Variants in DTNB observed in about 807,000 individuals in gnomAD.
The protein encoded by DTNB is DTN-B.
Under a neutral mutation model 90.7 loss-of-function variants are expected in DTNB, and 63 were observed. That is an observed-to-expected ratio of 0.69 (90% CI 0.57 to 0.86). The LOEUF (loss-of-function observed/expected upper bound fraction) is 0.86. DTNB is among the 40% of genes least tolerant of loss of function. The pLI, the probability that DTNB is intolerant of heterozygous loss-of-function variation, is 0.00. For synonymous variants in DTNB, 277 were observed against 286.7 expected (o/e 0.97, Z 0.34); for missense variants, 744 against 807.1 (o/e 0.92, Z 0.95).
intron 9 of DTNB, among the ~76,000 whole-genome samples, chr2:25,484,241 A>G (rs2065656446): frequency 6.6e-6 from 1 of 152,248 alleles, no homozygotes; most frequent in Non-Finnish European, 1.5e-5. Context: ...TAAGTTATGC[A>G]TGATTATACT....
chr2:25,419,607 A>C (rs2048863531), intron 15 of DTNB, 72 bp from the exon 16 acceptor site: 1 of 1,531,846 alleles, frequency 6.5e-7, no homozygotes, highest in African/African-American at 1.4e-5. Context: ...AATGCCCATC[A>C]CCACAAACAT....
At chr2:25,467,208 A>G (rs1235657528) in intron 10 of DTNB, among the ~76,000 whole-genome samples, 2 of 152,236 alleles carry the variant, frequency 1.3e-5, no homozygotes, top group African/African-American at 2.4e-5. Flanking sequence ...AAAGGGGCCA[A>G]CATTTGTACC....
intron 9 of DTNB, among the ~76,000 whole-genome samples, chr2:25,513,941 G>A (rs775050319): frequency 1.7e-4 from 26 of 151,474 alleles, no homozygotes; most frequent in Non-Finnish European, 3.7e-4. Context: ...GCCAGATAGG[G>A]AGATAGAGCA....
rs2078167548 is a variant in DTNB, at chr2:25,531,485, A to G, written c.989T>C (p.Leu330Pro). The G allele has an allele frequency of 1.1e-5, 18 of 1,613,786 alleles. No individual in the cohort carries two copies. The highest frequency in any genetic ancestry group is 1.4e-5 in the Non-Finnish European group (17 of 1,179,860). ...GGGGTATACTTACACTATATGTGCAAGGTCAAGTGGTTTCTCTGGTTGCTC... is the reference window on the plus strand; with the variant it reads ...GGGGTATACTTACACTATATGTGCAGGGTCAAGTGGTTTCTCTGGTTGCTC... The part of the protein sequence containing the change: ...FPEQPEKPLD[L>P]AHIVPPRPLT... The change falls in exon 9 of 21, where the codon CTT becomes CCT. Residue 330 changes from leucine (L) to proline (P), a missense_variant. Transcript: ENST00000406818.
chr2:25,450,624 C>T (rs1404058779), intron 12 of DTNB, among the ~76,000 whole-genome samples: 1 of 152,178 alleles, frequency 6.6e-6, no homozygotes, highest in Non-Finnish European at 1.5e-5. Flanking sequence ...ATCTATAGAT[C>T]AATTTAGGAA....
At chr2:25,643,100 T>A (rs1379350522) in intron 2 of DTNB, among the ~76,000 whole-genome samples, 1 of 152,098 alleles carries the variant, frequency 6.6e-6, no homozygotes, top group East Asian at 1.9e-4. Flanking sequence ...CACAACACAG[T>A]ACTACCCAGC....
chr2:25,591,916 C>A (rs1385453259), intron 6 of DTNB, among the ~76,000 whole-genome samples: 1 of 151,812 alleles, frequency 6.6e-6, no homozygotes, highest in Non-Finnish European at 1.5e-5. Flanking sequence ...CAAAAATTAG[C>A]CAGGCATGGT....
At chr2:25,434,020 G>A (rs771675781) in intron 12 of DTNB, 25 bp from the exon 13 acceptor site, 2 of 1,359,420 alleles carry the variant, frequency 1.5e-6, no homozygotes, top group Non-Finnish European at 2.0e-6. Context: ...TCGGGAGAAA[G>A]TTTTTTTTTT....
At chr2:25,570,109 A>G (rs2059609448) in intron 8 of DTNB, among the ~76,000 whole-genome samples, 1 of 151,732 alleles carries the variant, frequency 6.6e-6, no homozygotes, top group Admixed American at 6.6e-5. Flanking sequence ...AAAAAAAAAA[A>G]AAAAAGGAAA....
At chr2:25,629,866 G>A (rs1477654517) in intron 3 of DTNB, among the ~76,000 whole-genome samples, 1 of 151,934 alleles carries the variant, frequency 6.6e-6, no homozygotes, top group African/African-American at 2.4e-5. Context: ...TTCAAGTACA[G>A]GCAGCAAAAA....
intron 8 of DTNB, among the ~76,000 whole-genome samples, chr2:25,573,008 T>C (rs746779588): frequency 6.6e-6 from 1 of 151,986 alleles, no homozygotes; most frequent in Non-Finnish European, 1.5e-5. Flanking sequence ...TGGCACGATC[T>C]CGGCTCACTG....
chr2:25,437,570 C>A (rs749702552), intron 12 of DTNB, among the ~76,000 whole-genome samples: 1 of 151,990 alleles, frequency 6.6e-6, no homozygotes. Context: ...CTTTTATTTA[C>A]AATCTTAAAC....
chr2:25,595,890 C>T (rs1297354529), intron 6 of DTNB, among the ~76,000 whole-genome samples, 196 bp downstream of exon 6: 2 of 140,962 alleles, frequency 1.4e-5, no homozygotes, highest in Non-Finnish European at 3.1e-5. Flanking sequence ...CCCCCCCACC[C>T]CCAGTTCCCC....
At chr2:25,494,880 G>C (rs991218949) in intron 9 of DTNB, among the ~76,000 whole-genome samples, 1 of 151,134 alleles carries the variant, frequency 6.6e-6, no homozygotes, top group African/African-American at 2.4e-5. Flanking sequence ...GAGGGGAACA[G>C]ATCTCTAAGG....
intron 2 of DTNB, among the ~76,000 whole-genome samples, chr2:25,640,154 CAT>C (rs2077944309): frequency 6.6e-6 from 1 of 152,200 alleles, no homozygotes; most frequent in African/African-American, 2.4e-5. Flanking sequence ...TAAAATTATA[CAT>C]GAGTCTATAA....
At chr2:25,486,966 G>T (rs937959129) in intron 9 of DTNB, among the ~76,000 whole-genome samples, 1 of 152,104 alleles carries the variant, frequency 6.6e-6, no homozygotes, top group Admixed American at 6.5e-5. Context: ...AATTTGGGAG[G>T]TTCCTTCTTT....
At chr2:25,630,844 CAA>C (rs1169600129) in intron 3 of DTNB, among the ~76,000 whole-genome samples, 23 of 62,924 alleles carry the variant, frequency 3.7e-4, no homozygotes, top group Non-Finnish European at 5.6e-4. Context: ...AACTCCGTCC[CAA>C]AAAAAAAAAA....
chr2:25,591,584 CAGTT>C (rs937236475), intron 6 of DTNB, among the ~76,000 whole-genome samples: 18 of 152,238 alleles, frequency 1.2e-4, no homozygotes, highest in Admixed American at 5.2e-4. Flanking sequence ...CGTCGAAAGT[CAGTT>C]AGTTTGTAAA....
intron 12 of DTNB, among the ~76,000 whole-genome samples, chr2:25,438,089 A>AGGGCAAATGCAAGGCC (rs1197866803): frequency 6.6e-6 from 1 of 152,130 alleles, no homozygotes; most frequent in Admixed American, 6.6e-5. Flanking sequence ...GGCAGAAAGA[A>AGGGCAAATGCAAGGCC]GGGCAAATGC....
Sources: gnomAD v4.1 joint callset for allele counts (sites outside exome capture counted in the v4.1 genomes callset) on GRCh38, gnomAD v4.1.1 for gene constraint, MANE v1.5 for transcripts, NCBI Gene and HGNC (gene_info 2026-07-23, HGNC 2026-07-21) for gene names.